Variants in TRPM3 observed in about 807,000 individuals in gnomAD.
The protein encoded by TRPM3 is transient receptor potential cation channel subfamily M member 3, also known as long transient receptor potential channel 3.
In TRPM3, 77 loss-of-function variants were observed where a neutral mutation model predicts 181.2. The observed-to-expected ratio is 0.42, with a 90% CI of 0.35 to 0.51. The LOEUF is 0.51. Among genes scored for constraint, TRPM3 ranks in the 20% least tolerant of loss-of-function variants. The pLI is 0.01. For missense variants in TRPM3, 1,759 were observed against 2,196.7 expected (o/e 0.80, Z 3.98); for synonymous variants, 745 against 796.4 (o/e 0.94, Z 1.09).
chr9:71,029,499 A>G (rs1010789681), intron 1 of TRPM3, among the ~76,000 whole-genome samples: 2 of 152,200 alleles, frequency 1.3e-5, no homozygotes, highest in Admixed American at 6.5e-5. Context: ...AAATTAAGAT[A>G]TAAATATTTT....
chr9:70,842,295 T>C (rs929796236), intron 5 of TRPM3, among the ~76,000 whole-genome samples: 1 of 152,116 alleles, frequency 6.6e-6, no homozygotes, highest in Non-Finnish European at 1.5e-5. Context: ...TGCATTGCCA[T>C]TGGTAACTCA....
chr9:71,416,513 GATA>G (rs1420741871), intron 1 of TRPM3, among the ~76,000 whole-genome samples: 1 of 151,712 alleles, frequency 6.6e-6, no homozygotes, highest in African/African-American at 2.4e-5. Flanking sequence ...TGGTTTCCTG[GATA>G]ATGTTTCCAT....
At chr9:71,149,802 A>G (rs1042125453) in intron 1 of TRPM3, among the ~76,000 whole-genome samples, 2 of 151,902 alleles carry the variant, frequency 1.3e-5, no homozygotes, top group African/African-American at 4.8e-5. Context: ...CATCTCTACG[A>G]AAAATACAAC....
intron 25 of TRPM3, among the ~76,000 whole-genome samples, chr9:70,542,120 C>CAAACA (rs2043534862): frequency 6.6e-6 from 1 of 152,164 alleles, no homozygotes; most frequent in South Asian, 2.1e-4. Flanking sequence ...GACCCTATCT[C>CAAACA]AAACAAAACA....
intron 9 of TRPM3, among the ~76,000 whole-genome samples, chr9:70,678,430 C>T (rs1031117713): frequency 6.6e-6 from 1 of 152,088 alleles, no homozygotes; most frequent in African/African-American, 2.4e-5. Context: ...CTTTTTGTCT[C>T]TCTCTTTCTT....
At chr9:70,797,063 G>A (rs1004899975) in intron 6 of TRPM3, among the ~76,000 whole-genome samples, 6 of 152,186 alleles carry the variant, frequency 3.9e-5, no homozygotes, top group African/African-American at 7.2e-5. Flanking sequence ...CCAGGAGGTC[G>A]AGGCTGAAGT....
chr9:71,099,871 G>A (rs1444730198), intron 1 of TRPM3, among the ~76,000 whole-genome samples: 2 of 152,132 alleles, frequency 1.3e-5, no homozygotes, highest in South Asian at 4.1e-4. Context: ...TTTACCCAAA[G>A]TCAGCAGTTA....
At chr9:71,302,452 TTAAAG>T (rs1486995420) in intron 1 of TRPM3, among the ~76,000 whole-genome samples, 3 of 152,230 alleles carry the variant, frequency 2.0e-5, no homozygotes, top group Admixed American at 6.5e-5. Flanking sequence ...ATGCATGAGC[TTAAAG>T]TAATGAGATC....
intron 1 of TRPM3, among the ~76,000 whole-genome samples, chr9:71,444,372 C>T (rs2094176977): frequency 6.6e-6 from 1 of 151,898 alleles, no homozygotes; most frequent in South Asian, 2.1e-4. Flanking sequence ...TGAAAGCCCC[C>T]ATGTTTTACT....
chr9:70,815,682 G>T (rs542844561), intron 6 of TRPM3, among the ~76,000 whole-genome samples: 7 of 152,002 alleles, frequency 4.6e-5, no homozygotes, highest in Non-Finnish European at 1.0e-4. Flanking sequence ...TTTTCTTTTT[G>T]ATTTGTAGAT....
Position 70,550,739 on chromosome 9 carries a change from T to C in TRPM3, c.3575-1065A>G, listed in dbSNP as rs139816168. ...TTGGACCCTCAGGGATTTAGTTTGC[T>C]GAGGTGGCTCTTGCTTGCTTTGGGA... is the stretch of plus-strand genomic sequence containing the variant. On this transcript the variant is annotated intron_variant, in intron 24 of 25. Coordinates refer to ENST00000677713, the MANE Select transcript of TRPM3 (RefSeq NM_001366145.2). Among the ~76,000 whole-genome samples the C allele has an allele frequency of 2.4e-3, 358 of 152,336 alleles. 1 individual carries two copies. The highest frequency in any genetic ancestry group is 8.2e-3 in the African/African-American group (339 of 41,576).
At chr9:70,937,293 G>A (rs2096837695) in intron 1 of TRPM3, among the ~76,000 whole-genome samples, 1 of 152,092 alleles carries the variant, frequency 6.6e-6, no homozygotes, top group African/African-American at 2.4e-5. Context: ...TTCACAGCTG[G>A]GTACAAACTA....
At chr9:70,997,904 C>T (rs1354984588) in intron 1 of TRPM3, among the ~76,000 whole-genome samples, 1 of 151,976 alleles carries the variant, frequency 6.6e-6, no homozygotes, top group Non-Finnish European at 1.5e-5. Context: ...CAACACTCCT[C>T]TGATATTCAC....
chr9:71,400,316 C>T (rs1230863158), intron 1 of TRPM3, among the ~76,000 whole-genome samples: 5 of 152,122 alleles, frequency 3.3e-5, no homozygotes, highest in Admixed American at 3.3e-4. Flanking sequence ...TTCTACACTT[C>T]CAGCAGCTAA....
chr9:71,127,843 G>A (rs529844116), intron 1 of TRPM3, among the ~76,000 whole-genome samples: 1 of 152,140 alleles, frequency 6.6e-6, no homozygotes, highest in Non-Finnish European at 1.5e-5. Context: ...ATCTTATCAT[G>A]CTTTAGTGCC....
intron 22 of TRPM3, among the ~76,000 whole-genome samples, chr9:70,561,130 T>G (rs2048957794): frequency 6.6e-6 from 1 of 152,226 alleles, no homozygotes; most frequent in Non-Finnish European, 1.5e-5. Flanking sequence ...AGAGCTTAGT[T>G]GAGTATCTGA....
chr9:71,261,504 C>T lies in TRPM3; in HGVS notation c.183+185149G>A, dbSNP rs868731629. Among the ~76,000 whole-genome samples, 65 of 152,304 alleles carry T rather than the reference C, an allele frequency of 4.3e-4. 1 individual carries two copies. The highest frequency in any genetic ancestry group is 1.1e-3 in the African/African-American group (44 of 41,570). On this transcript the variant is annotated intron_variant, in intron 1 of 24. Coordinates refer to the TRPM3 transcript ENST00000357533. ...TTACCCACATTCTGAAGCCTACTTC[C>T]GTCAATTCGTCAAACTATTTCTCCA...
chr9:71,380,647 A>C (rs2092778017), intron 1 of TRPM3, among the ~76,000 whole-genome samples: 1 of 152,088 alleles, frequency 6.6e-6, no homozygotes, highest in African/African-American at 2.4e-5. Flanking sequence ...ATATCTGATT[A>C]TTATTTCATA....
At chr9:71,030,977 A>G (rs1224201174) in intron 1 of TRPM3, among the ~76,000 whole-genome samples, 1 of 152,064 alleles carries the variant, frequency 6.6e-6, no homozygotes, top group Non-Finnish European at 1.5e-5. Flanking sequence ...AACTTATGGG[A>G]TTTGGGGGTT....
Sources: allele counts gnomAD v4.1 joint callset (sites outside exome capture counted in the v4.1 genomes callset), GRCh38; gene constraint gnomAD v4.1.1; transcripts MANE v1.5; gene names NCBI Gene and HGNC (gene_info 2026-07-23, HGNC 2026-07-21).